The following NPAS3 variants were observed in gnomAD, a reference collection of about 807,000 sequenced individuals.
NPAS3 encodes neuronal PAS domain-containing protein 3.
Under a neutral mutation model 73.1 loss-of-function variants are expected in NPAS3, and 14 were observed. The ratio of observed to expected loss-of-function variants is 0.19; its 90% confidence interval spans 0.13 to 0.30. NPAS3 has a LOEUF of 0.30. Among genes scored for constraint, NPAS3 ranks in the 10% least tolerant of loss-of-function variants. NPAS3 has a pLI of 1.00. For synonymous variants in NPAS3, 620 were observed against 541.5 expected, an observed-to-expected ratio of 1.14 and a Z score of -2.01; for missense variants, 1,096 against 1,250.0, an observed-to-expected ratio of 0.88 and a Z score of 1.86.
At chr14:33,766,132 G>A (rs1398142194) in intron 7 of NPAS3, among the ~76,000 whole-genome samples, 1 of 152,206 alleles carries the variant, frequency 6.6e-6, no homozygotes, top group Non-Finnish European at 1.5e-5. Context: ...AACAAAGTGA[G>A]TTGACTTCAT....
intron 4 of NPAS3, among the ~76,000 whole-genome samples, chr14:33,420,131 C>T (rs908497656): frequency 6.6e-6 from 1 of 151,910 alleles, no homozygotes; most frequent in African/African-American, 2.4e-5. Flanking sequence ...AAATTTTTGT[C>T]AATAATTAGC....
At chr14:33,343,199 C>T (rs571918572) in intron 3 of NPAS3, among the ~76,000 whole-genome samples, 71 of 152,202 alleles carry the variant, frequency 4.7e-4, no homozygotes, top group African/African-American at 1.4e-3. Context: ...GGGGTGATTT[C>T]GCAACTTTAG....
chr14:32,943,525 A>G (rs561884355), intron 1 of NPAS3, among the ~76,000 whole-genome samples: 8 of 152,114 alleles, frequency 5.3e-5, no homozygotes, highest in African/African-American at 1.9e-4. Context: ...CTATGTTACA[A>G]TTGTGTCTGT....
chr14:33,138,783 A>G (rs546078794), intron 2 of NPAS3, among the ~76,000 whole-genome samples: 127 of 152,348 alleles, frequency 8.3e-4, no homozygotes, highest in African/African-American at 2.9e-3. Context: ...AGTTAGACAT[A>G]AAAACAACGG....
chr14:33,782,822 T>TAA (rs201726625), intron 9 of NPAS3, among the ~76,000 whole-genome samples: 3 of 140,632 alleles, frequency 2.1e-5, no homozygotes, highest in African/African-American at 8.1e-5. Flanking sequence ...TTGTTTTTTT[T>TAA]TAAAAAAAAG....
intron 4 of NPAS3, among the ~76,000 whole-genome samples, chr14:33,395,937 G>A (rs1422126534): frequency 6.6e-6 from 1 of 152,116 alleles, no homozygotes; most frequent in African/African-American, 2.4e-5. Context: ...AGGCCCAGCG[G>A]TTCCTTCCTA....
At chr14:32,947,911 T>C (rs2036327398) in intron 1 of NPAS3, among the ~76,000 whole-genome samples, 1 of 152,154 alleles carries the variant, frequency 6.6e-6, no homozygotes, top group African/African-American at 2.4e-5. Context: ...TGCATTCTTT[T>C]GTTCATTGCT....
At chr14:33,247,762 A>C (rs956594894) in intron 3 of NPAS3, among the ~76,000 whole-genome samples, 6 of 150,226 alleles carry the variant, frequency 4.0e-5, no homozygotes, top group Admixed American at 3.9e-4. Flanking sequence ...AATTACTTTA[A>C]ATTAAAACCT....
chr14:33,753,883 G>A (rs1248554586), intron 7 of NPAS3, among the ~76,000 whole-genome samples: 3 of 152,134 alleles, frequency 2.0e-5, no homozygotes, highest in African/African-American at 4.8e-5. Context: ...AGTTAGCCAT[G>A]CCTGAAGCTT....
intron 3 of NPAS3, among the ~76,000 whole-genome samples, chr14:33,285,603 C>T: frequency 6.6e-6 from 1 of 152,160 alleles, no homozygotes; most frequent in East Asian, 1.9e-4. Flanking sequence ...AATGGACTTA[C>T]CACAATAACA....
At chr14:33,016,166 A>G (rs1387564010) in intron 1 of NPAS3, among the ~76,000 whole-genome samples, 1 of 152,138 alleles carries the variant, frequency 6.6e-6, no homozygotes. Context: ...TTAATTCTAA[A>G]TTAAGGGAGA....
chr14:33,194,772 T>A (rs1001056816), intron 2 of NPAS3, among the ~76,000 whole-genome samples: 7 of 152,190 alleles, frequency 4.6e-5, no homozygotes, highest in African/African-American at 1.7e-4. Context: ...TGGATGGTCA[T>A]GCCACTACTT....
Position 33,633,072 on chromosome 14 carries a change from A to G in NPAS3, c.559-43139A>G, listed in dbSNP as rs552070557. On this transcript the variant is annotated intron_variant, in intron 5 of 11. Transcript: ENST00000356141. Reference sequence around the variant, plus strand: ...AGTTTAAAAACAATACAGTATAACAACTATTTACATCGCATTTACATGGTA... The same window carrying G: ...AGTTTAAAAACAATACAGTATAACAGCTATTTACATCGCATTTACATGGTA... 1.6e-3 allele frequency among the ~76,000 whole-genome samples: 241 copies of G among 152,248 alleles called. 1 individual carries two copies. The highest frequency in any genetic ancestry group is 5.0e-3 in the Admixed American group (77 of 15,292).
chr14:33,289,936 T>C (rs1385494643), intron 3 of NPAS3, among the ~76,000 whole-genome samples: 1 of 152,194 alleles, frequency 6.6e-6, no homozygotes, highest in Non-Finnish European at 1.5e-5. Flanking sequence ...TCCTGTCTGA[T>C]ACGCCCATCT....
intron 2 of NPAS3, among the ~76,000 whole-genome samples, chr14:33,095,844 A>AT (rs924199084): frequency 2.6e-4 from 38 of 147,820 alleles, no homozygotes; most frequent in Admixed American, 7.4e-4. Flanking sequence ...AATTTTTTGT[A>AT]TTTTTTTTTA....
At chr14:33,487,189 T>G (rs2051650748) in intron 4 of NPAS3, among the ~76,000 whole-genome samples, 1 of 152,208 alleles carries the variant, frequency 6.6e-6, no homozygotes, top group African/African-American at 2.4e-5. Context: ...TAAAGATGCT[T>G]ATTTCTTCCT....
At chr14:33,449,443 A>T (rs2049683790) in intron 4 of NPAS3, among the ~76,000 whole-genome samples, 1 of 152,190 alleles carries the variant, frequency 6.6e-6, no homozygotes, top group Non-Finnish European at 1.5e-5. Context: ...GTTGCAACGG[A>T]GGATGTATGC....
intron 1 of NPAS3, among the ~76,000 whole-genome samples, chr14:33,031,122 A>C (rs542043164): frequency 6.6e-6 from 1 of 152,196 alleles, no homozygotes; most frequent in Admixed American, 6.5e-5. Context: ...AGGAAAGCAC[A>C]ATCAGGACAA....
chr14:33,206,812 A>G (rs1448067866), intron 2 of NPAS3, among the ~76,000 whole-genome samples: 7 of 152,170 alleles, frequency 4.6e-5, no homozygotes, highest in Non-Finnish European at 4.4e-5. Flanking sequence ...GGAGTGGTAG[A>G]AATTCCAGCA....
Sources: allele counts gnomAD v4.1 joint callset (sites outside exome capture counted in the v4.1 genomes callset), GRCh38; gene constraint gnomAD v4.1.1; transcripts MANE v1.5; gene names NCBI Gene and HGNC (gene_info 2026-07-23, HGNC 2026-07-21).